CUX1: variants seen among roughly 807,000 people sequenced by gnomAD.
The protein encoded by CUX1 is protein CASP.
In CUX1, 31 loss-of-function variants were observed where a neutral mutation model predicts 158.8. The observed-to-expected ratio is 0.20, with a 90% CI of 0.15 to 0.26. The LOEUF is 0.26. Ranked by LOEUF, CUX1 falls within the 10% of genes least tolerant of loss-of-function variation. The probability of loss-of-function intolerance (pLI) is 1.00; values close to 1 mark genes in which losing one functional copy is unlikely to be tolerated. For missense variants in CUX1, 1,589 were observed against 2,014.6 expected, an observed-to-expected ratio of 0.79 and a Z score of 4.04; for synonymous variants, 879 against 862.1, an observed-to-expected ratio of 1.02 and a Z score of -0.34.
intron 18 of CUX1, among the ~76,000 whole-genome samples, chr7:102,203,947 A>T (rs1251633797): frequency 6.6e-6 from 1 of 152,162 alleles, no homozygotes; most frequent in Non-Finnish European, 1.5e-5. Context: ...TTTGCAGAGG[A>T]CACCAGCTTC....
chr7:101,864,192 A>C lies in CUX1; in HGVS notation c.30+46523A>C, dbSNP rs185605844. Among the ~76,000 whole-genome samples the C allele has an allele frequency of 4.7e-5, 7 of 149,570 alleles. No individual in the cohort carries two copies. The East Asian group carries it at 1.4e-3, about 29-fold the overall frequency. On this transcript the variant is annotated intron_variant, in intron 1 of 23. Transcript: ENST00000292535. ...TTTTTTTTTTTGGAGACAGGATCTCACTGTGTTGCCCAGGCTGGAGTGCAG... is the reference window on the plus strand; with the variant it reads ...TTTTTTTTTTTGGAGACAGGATCTCCCTGTGTTGCCCAGGCTGGAGTGCAG...
At chr7:102,154,707 A>G (rs1836072392) in intron 8 of CUX1, among the ~76,000 whole-genome samples, 1 of 152,244 alleles carries the variant, frequency 6.6e-6, no homozygotes, top group Non-Finnish European at 1.5e-5. Context: ...ATAGCAAAAT[A>G]TAAAAGAAAA....
chr7:101,912,552 C>T (rs1479086796), intron 1 of CUX1, among the ~76,000 whole-genome samples: 10 of 152,242 alleles, frequency 6.6e-5, no homozygotes, highest in Non-Finnish European at 1.5e-5. Flanking sequence ...CAAGACAGTC[C>T]AAAGATACAC....
intron 2 of CUX1, among the ~76,000 whole-genome samples, chr7:101,917,755 C>A (rs961882862): frequency 2.0e-5 from 3 of 152,140 alleles, no homozygotes; most frequent in Admixed American, 2.0e-4. Flanking sequence ...CTCTTAGTGC[C>A]GTTCCTGTAG....
chr7:102,050,027 CCT>C (rs1823286603), intron 3 of CUX1, among the ~76,000 whole-genome samples: 2 of 152,180 alleles, frequency 1.3e-5, no homozygotes, highest in African/African-American at 4.8e-5. Context: ...AGAACACCCC[CCT>C]GATAGGAGCA....
At chr7:102,122,099 A>ATCAAATATTGCATATGCATATGCAT (rs1554493685) in intron 8 of CUX1, among the ~76,000 whole-genome samples, 2 of 152,178 alleles carry the variant, frequency 1.3e-5, no homozygotes, top group African/African-American at 2.4e-5. Context: ...TCATATTTAG[A>ATCAAATATTGCATATGCATATGCAT]CAAATATTGC....
At chr7:101,883,724 T>C (rs560206107) in intron 1 of CUX1, among the ~76,000 whole-genome samples, 2 of 151,584 alleles carry the variant, frequency 1.3e-5, no homozygotes, top group South Asian at 4.2e-4. Context: ...GCTTCCGGAG[T>C]AGCTGGGATT....
At chr7:101,908,457 T>C (rs1216912286) in intron 1 of CUX1, among the ~76,000 whole-genome samples, 1 of 144,380 alleles carries the variant, frequency 6.9e-6, no homozygotes, top group Non-Finnish European at 1.5e-5. Flanking sequence ...GTTTTTTGTT[T>C]GTTTGTTTGT....
chr7:101,899,444 C>T (rs576081445), intron 1 of CUX1, among the ~76,000 whole-genome samples: 1 of 152,100 alleles, frequency 6.6e-6, no homozygotes, highest in Non-Finnish European at 1.5e-5. Context: ...CCCAGCTACT[C>T]GGGAGGCTGA....
In CUX1 at chr7:102,251,863, C is replaced by G; in HGVS notation, c.*2821C>G. 1.0e-6 allele frequency: 1 copy of G among 985,386 alleles called. No homozygotes were observed. Among genetic ancestry groups the G allele is most frequent in the Non-Finnish European group, 1.2e-6 (1 of 829,910 alleles). 61.0% of individuals were successfully genotyped at this position (985,386 alleles called of 1,614,324 possible). A position where few individuals can be genotyped will look rare whatever the true frequency, so the allele number is the denominator to read the frequency against. ...ACTGTTATTTACAAAGGTGTTAAAT[C>G]TGAGGAAATTGACAAATACAGATTT... On this transcript the variant is annotated 3_prime_UTR_variant, in exon 24 of 24. Transcript: ENST00000292535.
intron 6 of CUX1, among the ~76,000 whole-genome samples, chr7:102,109,463 G>A (rs1830676975): frequency 1.3e-5 from 2 of 152,140 alleles, no homozygotes; most frequent in African/African-American, 4.8e-5. Flanking sequence ...AAAGTTTTTT[G>A]TTGGGAAGTT....
intron 10 of CUX1, among the ~76,000 whole-genome samples, chr7:102,177,843 C>T (rs1554512445): frequency 6.6e-6 from 1 of 152,160 alleles, no homozygotes; most frequent in Non-Finnish European, 1.5e-5. Flanking sequence ...ACTCATCCTG[C>T]CGCATCCCTG....
At chr7:102,200,604 G>C (rs1287296441) in intron 17 of CUX1, among the ~76,000 whole-genome samples, 2 of 152,130 alleles carry the variant, frequency 1.3e-5, no homozygotes, top group African/African-American at 4.8e-5. Context: ...GCCTCCCACG[G>C]TGCTGGGATT....
chr7:101,954,643 T>G (rs1188573620), intron 2 of CUX1, among the ~76,000 whole-genome samples: 3 of 151,812 alleles, frequency 2.0e-5, no homozygotes, highest in African/African-American at 7.3e-5. Flanking sequence ...ACCCCTTCTC[T>G]ACAGTGTGCT....
chr7:102,205,226 G>T, intron 20 of CUX1, 56 bp downstream of exon 20: 2 of 1,302,858 alleles, frequency 1.5e-6, no homozygotes, highest in South Asian at 2.4e-5. Context: ...CTTTTCTGTT[G>T]TCCCGTGCTG....
At chr7:102,243,677 T>TAAAAAA (rs200091734) in intron 23 of CUX1, among the ~76,000 whole-genome samples, 91 of 139,050 alleles carry the variant, frequency 6.5e-4, no homozygotes, top group Non-Finnish European at 1.1e-3. Context: ...ATAATAATAA[T>TAAAAAA]AAAATAAATG....
chr7:102,180,314 CTT>C (rs782269252), intron 11 of CUX1, among the ~76,000 whole-genome samples: 17 of 127,746 alleles, frequency 1.3e-4, no homozygotes, highest in Non-Finnish European at 1.8e-4. Flanking sequence ...GAGCCACTGC[CTT>C]TTTTTTTTTT....
chr7:101,923,919 C>T (rs981045738), intron 2 of CUX1, among the ~76,000 whole-genome samples: 5 of 152,198 alleles, frequency 3.3e-5, no homozygotes, highest in East Asian at 1.9e-4. Flanking sequence ...GCCGGCCTGG[C>T]GCATTTCTCT....
intron 1 of CUX1, among the ~76,000 whole-genome samples, chr7:101,826,885 T>C (rs1026315760): frequency 2.0e-5 from 3 of 152,198 alleles, no homozygotes; most frequent in Non-Finnish European, 4.4e-5. Context: ...CTCTGCCTTG[T>C]GTGTCCGATT....
Sources: allele counts gnomAD v4.1 joint callset (sites outside exome capture counted in the v4.1 genomes callset), GRCh38; gene constraint gnomAD v4.1.1; transcripts MANE v1.5; gene names NCBI Gene and HGNC (gene_info 2026-07-23, HGNC 2026-07-21).